RAD51B: variants seen among roughly 807,000 people sequenced by gnomAD.
RAD51B encodes RAD51 paralog B.
In RAD51B, 38 loss-of-function variants were observed where a neutral mutation model predicts 42.2. That is an observed-to-expected ratio of 0.90 (90% confidence interval 0.70 to 1.18). The LOEUF (loss-of-function observed/expected upper bound fraction) is 1.18. Ranked by LOEUF, RAD51B falls within the 50% of genes most tolerant of loss-of-function variation. The pLI is 0.00. For missense variants in RAD51B, 373 were observed against 400.7 expected (o/e 0.93, Z 0.59); for synonymous variants, 154 against 145.2 (o/e 1.06, Z -0.43).
chr14:68,270,227 G>A (rs2081078669), intron 7 of RAD51B, among the ~76,000 whole-genome samples: 2 of 152,146 alleles, frequency 1.3e-5, no homozygotes, highest in Admixed American at 1.3e-4. Flanking sequence ...TATATCCTCA[G>A]ATATGGCCAA....
intron 7 of RAD51B, among the ~76,000 whole-genome samples, chr14:68,150,108 C>G (rs1283986071): frequency 6.6e-6 from 1 of 152,252 alleles, no homozygotes; most frequent in East Asian, 1.9e-4. Context: ...CCACGCCCAG[C>G]TAATTTTGTA....
chr14:67,992,829 C>T (rs780367667), intron 7 of RAD51B, among the ~76,000 whole-genome samples: 2 of 152,024 alleles, frequency 1.3e-5, no homozygotes, highest in Admixed American at 6.6e-5. Context: ...GATCACACTG[C>T]AGCTATAAGA....
chr14:68,365,571 T>A (rs898635060), intron 8 of RAD51B, among the ~76,000 whole-genome samples: 2 of 152,260 alleles, frequency 1.3e-5, no homozygotes, highest in Non-Finnish European at 2.9e-5. Context: ...AAGCTTGAGA[T>A]TAAAACCTAC....
intron 7 of RAD51B, among the ~76,000 whole-genome samples, chr14:68,218,816 A>G (rs2079867349): frequency 6.6e-6 from 1 of 152,198 alleles, no homozygotes; most frequent in African/African-American, 2.4e-5. Context: ...TGTGTTAGAT[A>G]GTGGGGAGAG....
At chr14:68,492,532 A>G (rs1884158119) in intron 10 of RAD51B, among the ~76,000 whole-genome samples, 1 of 152,234 alleles carries the variant, frequency 6.6e-6, no homozygotes, top group Non-Finnish European at 1.5e-5. Flanking sequence ...CCCTCCTGCT[A>G]TCTCTCTACG....
chr14:68,120,503 A>T (rs576231825), intron 7 of RAD51B, among the ~76,000 whole-genome samples: 1 of 152,358 alleles, frequency 6.6e-6, no homozygotes, highest in Non-Finnish European at 1.5e-5. Flanking sequence ...GGTGCCTAAC[A>T]AAAACTGGCC....
chr14:68,426,058 C>G (rs12588901), intron 9 of RAD51B, among the ~76,000 whole-genome samples: 2 of 143,698 alleles, frequency 1.4e-5, no homozygotes, highest in African/African-American at 5.2e-5. Flanking sequence ...CTCTCTCTCT[C>G]TCTTTCTTTC....
intron 7 of RAD51B, among the ~76,000 whole-genome samples, chr14:68,220,326 A>C (rs2079899064): frequency 6.6e-6 from 1 of 152,198 alleles, no homozygotes; most frequent in Non-Finnish European, 1.5e-5. Flanking sequence ...TCAGTCAATA[A>C]ATGTGATATA....
chr14:67,917,587 A>T (rs1595104471), intron 7 of RAD51B, among the ~76,000 whole-genome samples: 1 of 152,340 alleles, frequency 6.6e-6, no homozygotes, highest in East Asian at 1.9e-4. Flanking sequence ...CATATCACAG[A>T]TGATGATAAC....
chr14:68,264,947 G>A (rs1260289039), intron 7 of RAD51B, among the ~76,000 whole-genome samples: 1 of 152,202 alleles, frequency 6.6e-6, no homozygotes, highest in East Asian at 1.9e-4. Context: ...CTCTGAAATA[G>A]CATATAATAC....
chr14:68,207,610 G>A (rs2079619341), intron 7 of RAD51B, among the ~76,000 whole-genome samples: 1 of 152,166 alleles, frequency 6.6e-6, no homozygotes, highest in Non-Finnish European at 1.5e-5. Flanking sequence ...ACATTAAAAA[G>A]TTATGGTAGG....
chr14:68,151,930 G>A (rs148201005), intron 7 of RAD51B, among the ~76,000 whole-genome samples: 10 of 129,166 alleles, frequency 7.7e-5, no homozygotes, highest in South Asian at 2.6e-4. Context: ...CACAACCTCC[G>A]CCTCCTGGGT....
intron 11 of RAD51B, among the ~76,000 whole-genome samples, chr14:68,652,283 C>A (rs571956582): frequency 6.6e-6 from 1 of 152,322 alleles, no homozygotes; most frequent in Non-Finnish European, 1.5e-5. Flanking sequence ...TCTTTCCAGC[C>A]GCCTCTTGCT....
intron 8 of RAD51B, among the ~76,000 whole-genome samples, chr14:68,341,916 C>T (rs550540505): frequency 7.2e-5 from 11 of 152,196 alleles, no homozygotes; most frequent in African/African-American, 2.6e-4. Flanking sequence ...ATATAGTGCA[C>T]TTTCACATCC....
At chr14:67,997,269 A>G (rs752865342) in intron 7 of RAD51B, among the ~76,000 whole-genome samples, 2 of 152,236 alleles carry the variant, frequency 1.3e-5, no homozygotes, top group Non-Finnish European at 2.9e-5. Flanking sequence ...AACTTAGCCC[A>G]GGGCATTTCA....
At chr14:67,826,532 G>A (rs2040838201) in intron 3 of RAD51B, among the ~76,000 whole-genome samples, 1 of 152,186 alleles carries the variant, frequency 6.6e-6, no homozygotes, top group Non-Finnish European at 1.5e-5. Context: ...TATGTGGACT[G>A]TAAGTTTCTT....
intron 7 of RAD51B, among the ~76,000 whole-genome samples, chr14:68,175,909 C>T (rs1392496599): frequency 6.6e-6 from 1 of 152,204 alleles, no homozygotes; most frequent in African/African-American, 2.4e-5. Flanking sequence ...ACTATATATG[C>T]ACTTCCTAGA....
chr14:68,120,046 G>C (rs1432348473), intron 7 of RAD51B, among the ~76,000 whole-genome samples: 1 of 152,146 alleles, frequency 6.6e-6, no homozygotes, highest in African/African-American at 2.4e-5. Flanking sequence ...TTGTGGTTTT[G>C]ATTTGCATTT....
At chr14:68,004,876 G>T (rs917395892) in intron 7 of RAD51B, among the ~76,000 whole-genome samples, 1 of 151,514 alleles carries the variant, frequency 6.6e-6, no homozygotes, top group Admixed American at 6.6e-5. Context: ...TTTTTTTTTG[G>T]TATATGGCCT....
Sources: allele counts gnomAD v4.1 joint callset (sites outside exome capture counted in the v4.1 genomes callset), GRCh38; gene constraint gnomAD v4.1.1; transcripts MANE v1.5; gene names NCBI Gene and HGNC (gene_info 2026-07-23, HGNC 2026-07-21).